HS6ST2: variants seen among roughly 807,000 people sequenced by gnomAD.
HS6ST2 encodes heparan sulfate 6-O-sulfotransferase 2.
In HS6ST2, 17 loss-of-function variants were observed where a neutral mutation model predicts 33.0. That is an observed-to-expected ratio of 0.52 (90% confidence interval 0.35 to 0.77). The LOEUF (loss-of-function observed/expected upper bound fraction) is 0.77, where lower values mean the gene tolerates loss of function less well. Ranked by LOEUF, HS6ST2 falls within the 30% of genes least tolerant of loss-of-function variation. The pLI is 0.01. For missense variants in HS6ST2, 519 were observed against 551.7 expected (o/e 0.94, Z 0.59); for synonymous variants, 248 against 237.1 (o/e 1.05, Z -0.42).
chrX:132,769,721 T>C (rs2064879080), intron 2 of HS6ST2, among the ~76,000 whole-genome samples: 1 of 112,155 alleles, frequency 8.9e-6, no homozygotes, highest in South Asian at 3.7e-4. Flanking sequence ...AAAAACACAC[T>C]CCAGGTGCCT....
At chrX:132,880,070 T>C (rs1461029402) in intron 2 of HS6ST2, among the ~76,000 whole-genome samples, 1 of 111,723 alleles carries the variant, frequency 9.0e-6, no homozygotes, top group Non-Finnish European at 1.9e-5. Flanking sequence ...GCATCCAACT[T>C]CTGCTGGAAT....
intron 2 of HS6ST2, among the ~76,000 whole-genome samples, chrX:132,784,466 C>T (rs757648620): frequency 1.8e-5 from 2 of 111,198 alleles, no homozygotes; most frequent in Non-Finnish European, 3.8e-5. Flanking sequence ...CACGCCACCA[C>T]GCCTGGCTAG....
chrX:132,711,633 T>C (rs939600667), intron 2 of HS6ST2, among the ~76,000 whole-genome samples: 1 of 111,637 alleles, frequency 9.0e-6, no homozygotes, highest in African/African-American at 3.3e-5. Flanking sequence ...CAGTACAACA[T>C]GCTATTAGTA....
upstream of HS6ST2, chrX:132,958,822 G>C: frequency 2.8e-6 from 1 of 355,518 alleles, no homozygotes. Flanking sequence ...GAGCTTTTCC[G>C]TCTCTCTTTG....
At chrX:132,683,315 C>T (rs1384697319) in intron 3 of HS6ST2, among the ~76,000 whole-genome samples, 2 of 111,834 alleles carry the variant, frequency 1.8e-5, no homozygotes, top group Admixed American at 1.9e-4. Flanking sequence ...CAGGCATGGG[C>T]CCTGACCTAT....
At chrX:132,761,484 G>A (rs932024728) in intron 2 of HS6ST2, among the ~76,000 whole-genome samples, 3 of 111,624 alleles carry the variant, frequency 2.7e-5, no homozygotes, top group South Asian at 3.9e-4. Context: ...AAGTGGGCAC[G>A]AAGGCCTTTG....
At chrX:132,920,669 T>A (rs753353068) in intron 2 of HS6ST2, among the ~76,000 whole-genome samples, 8 of 112,174 alleles carry the variant, frequency 7.1e-5, no homozygotes, top group Non-Finnish European at 1.3e-4. Flanking sequence ...GTTATTGGGG[T>A]TTTAGCGTAA....
chrX:132,846,970 T>C (rs186729897), intron 2 of HS6ST2, among the ~76,000 whole-genome samples: 1 of 111,209 alleles, frequency 9.0e-6, no homozygotes, highest in Non-Finnish European at 1.9e-5. Flanking sequence ...TGCTTTTGGT[T>C]AAGAGGAGAG....
intron 2 of HS6ST2, among the ~76,000 whole-genome samples, chrX:132,794,903 CG>C (rs2148347273): frequency 9.1e-6 from 1 of 110,058 alleles, no homozygotes; most frequent in Admixed American, 9.8e-5. Flanking sequence ...TCCACTGCCC[CG>C]AAGTACTGGG....
intron 4 of HS6ST2, among the ~76,000 whole-genome samples, chrX:132,658,322 A>C (rs2063745903): frequency 8.9e-6 from 1 of 111,985 alleles, no homozygotes; most frequent in Non-Finnish European, 1.9e-5. Flanking sequence ...CACTCCGAAC[A>C]GGGCCTGGTG....
chrX:132,777,133 T>C (rs1243972919), intron 2 of HS6ST2, among the ~76,000 whole-genome samples: 2 of 103,382 alleles, frequency 1.9e-5, no homozygotes, highest in Non-Finnish European at 3.9e-5. Context: ...GCTGCTAAAC[T>C]TCCTACAATG....
chrX:132,957,734 C>CCCATCCCCATCCCGCTT (rs2067099868), intron 1 of HS6ST2, among the ~76,000 whole-genome samples: 1 of 108,771 alleles, frequency 9.2e-6, no homozygotes, highest in African/African-American at 3.4e-5. Flanking sequence ...GGCTCCCGCT[C>CCCATCCCCATCCCGCTT]CCATCCCCAT....
At chrX:132,631,615 A>T (rs987869500) in intron 4 of HS6ST2, among the ~76,000 whole-genome samples, 1 of 110,695 alleles carries the variant, frequency 9.0e-6, no homozygotes, top group East Asian at 2.8e-4. Flanking sequence ...GAAAAAAAAA[A>T]AAAGAAATTT....
At chrX:132,730,975 C>CTG (rs889471618) in intron 2 of HS6ST2, among the ~76,000 whole-genome samples, 32 of 111,631 alleles carry the variant, frequency 2.9e-4, no homozygotes, top group East Asian at 1.4e-3. Context: ...GGGATGGACT[C>CTG]TGTGTGTGTG....
rs1324984475 is a variant in HS6ST2, at chrX:132,882,639, C to G, written c.947+74169G>C. On this transcript the variant is annotated intron_variant, in intron 2 of 4. Transcript: ENST00000370833. Reference sequence around the variant, plus strand: ...TATTTCCTTCTCCTGCCTGATTGCCCTGGCCAGAACTTCCAACACTATGTT... The same window carrying G: ...TATTTCCTTCTCCTGCCTGATTGCCGTGGCCAGAACTTCCAACACTATGTT... Among the ~76,000 whole-genome samples, 3 of 108,287 alleles carry G rather than the reference C, an allele frequency of 2.8e-5. No homozygotes were observed. In the Admixed American group the frequency reaches 3.0e-4, roughly 11 times the overall value. 94.0% of individuals were successfully genotyped at this position (108,287 alleles called of 115,157 possible). A position where few individuals can be genotyped will look rare whatever the true frequency, so the allele number is the denominator to read the frequency against.
intron 2 of HS6ST2, among the ~76,000 whole-genome samples, chrX:132,851,282 G>T: frequency 8.9e-6 from 1 of 112,034 alleles, no homozygotes; most frequent in Non-Finnish European, 1.9e-5. Flanking sequence ...GCAATCCAGA[G>T]ACTCCAAAAT....
chrX:132,938,394 C>T (rs775343726), intron 2 of HS6ST2, among the ~76,000 whole-genome samples: 2 of 109,819 alleles, frequency 1.8e-5, no homozygotes, highest in African/African-American at 6.6e-5. Flanking sequence ...GTTATCCCAA[C>T]ACTTTGGGAG....
rs576167223 is a variant in HS6ST2, at chrX:132,845,253, T to A, written c.947+111555A>T. On this transcript the variant is annotated intron_variant, in intron 2 of 4. Coordinates refer to ENST00000370833, the MANE Select transcript of HS6ST2 (RefSeq NM_001394073.1). ...TTACATAGATAAATATCAGGGGATA[T>A]TCTCTCAATGTCAATGTCAATTTAG... 4.5e-4 allele frequency among the ~76,000 whole-genome samples: 49 copies of A among 109,971 alleles called. No homozygotes were observed. The South Asian group carries it at 0.018, about 40-fold the overall frequency.
At chrX:132,688,528 C>T (rs2064037082) in intron 3 of HS6ST2, among the ~76,000 whole-genome samples, 1 of 111,252 alleles carries the variant, frequency 9.0e-6, no homozygotes, top group Non-Finnish European at 1.9e-5. Flanking sequence ...ACACATCCTT[C>T]TTTGCATGGT....
Sources: gnomAD v4.1 joint callset for allele counts (sites outside exome capture counted in the v4.1 genomes callset) on GRCh38, gnomAD v4.1.1 for gene constraint, MANE v1.5 for transcripts, NCBI Gene and HGNC (gene_info 2026-07-23, HGNC 2026-07-21) for gene names.